EBF2: variants seen among roughly 807,000 people sequenced by gnomAD.
EBF2 encodes EBF transcription factor 2.
Under a neutral mutation model 72.8 loss-of-function variants are expected in EBF2, and 21 were observed. The ratio of observed to expected loss-of-function variants is 0.29; its 90% CI spans 0.20 to 0.42. EBF2 has a LOEUF of 0.42. Ranked by LOEUF, EBF2 falls within the 10% of genes least tolerant of loss-of-function variation. The pLI, the probability that EBF2 is intolerant of heterozygous loss-of-function variation, is 1.00. For synonymous variants in EBF2, 299 were observed against 274.2 expected (o/e 1.09, Z -0.89); for missense variants, 637 against 731.2 (o/e 0.87, Z 1.49).
chr8:26,020,103 T>C (rs1231421528), intron 6 of EBF2, among the ~76,000 whole-genome samples: 1 of 152,198 alleles, frequency 6.6e-6, no homozygotes, highest in East Asian at 1.9e-4. Flanking sequence ...TACTCAGGCT[T>C]TCCTCACTGT....
At chr8:25,999,868 C>T (rs1398650749) in intron 6 of EBF2, among the ~76,000 whole-genome samples, 2 of 152,020 alleles carry the variant, frequency 1.3e-5, no homozygotes, top group Non-Finnish European at 2.9e-5. Flanking sequence ...TAGTACCAGC[C>T]GTGTGGCTCA....
intron 6 of EBF2, among the ~76,000 whole-genome samples, chr8:25,965,018 A>T (rs1804092490): frequency 6.6e-6 from 1 of 152,232 alleles, no homozygotes; most frequent in African/African-American, 2.4e-5. Flanking sequence ...GAGCATCAGC[A>T]CATTAATTTA....
At chr8:25,926,104 T>G (rs1803381483) in intron 6 of EBF2, among the ~76,000 whole-genome samples, 1 of 152,166 alleles carries the variant, frequency 6.6e-6, no homozygotes, top group Non-Finnish European at 1.5e-5. Context: ...TTAAGGGAAC[T>G]AGAGAACTAT....
chr8:26,002,010 A>T (rs1563204365), intron 6 of EBF2, among the ~76,000 whole-genome samples: 1 of 152,174 alleles, frequency 6.6e-6, no homozygotes, highest in Non-Finnish European at 1.5e-5. Context: ...TGTGATGAAA[A>T]CTAAGAGAGC....
At chr8:25,908,174 G>C (rs1417463025) in intron 7 of EBF2, among the ~76,000 whole-genome samples, 1 of 152,198 alleles carries the variant, frequency 6.6e-6, no homozygotes, top group Non-Finnish European at 1.5e-5. Flanking sequence ...TCAAGAACAT[G>C]GTTCCTGCTG....
rs1357532869 is a variant in EBF2, at chr8:25,842,176, G to C, written c.*2433C>G. 6.6e-6 allele frequency: 1 copy of C among 152,164 alleles called. No individual in the cohort carries two copies. The highest frequency in any genetic ancestry group is 2.4e-5 in the African/African-American group (1 of 41,442). 9.4% of individuals were successfully genotyped at this position (152,164 alleles called of 1,614,324 possible). Reference sequence around the variant, plus strand: ...ATTCCAAGTGGCACAAAAATAACTTGGGACTGGAATGATTGAATAGCAATG... The same window carrying C: ...ATTCCAAGTGGCACAAAAATAACTTCGGACTGGAATGATTGAATAGCAATG... On this transcript the variant is annotated 3_prime_UTR_variant, in exon 16 of 16. Transcript: ENST00000520164.
chr8:26,038,021 C>G (rs1373471613), intron 5 of EBF2, among the ~76,000 whole-genome samples: 1 of 152,212 alleles, frequency 6.6e-6, no homozygotes, highest in Admixed American at 6.5e-5. Context: ...TGATTCATCT[C>G]TCAATCATTG....
chr8:25,931,740 G>A (rs1372262160), intron 6 of EBF2, among the ~76,000 whole-genome samples: 1 of 152,122 alleles, frequency 6.6e-6, no homozygotes, highest in African/African-American at 2.4e-5. Context: ...TTGCTTGGGG[G>A]AAATGTAGAT....
chr8:25,975,342 G>A (rs1334825666), intron 6 of EBF2, among the ~76,000 whole-genome samples: 1 of 152,192 alleles, frequency 6.6e-6, no homozygotes, highest in Non-Finnish European at 1.5e-5. Context: ...AGAATCAACT[G>A]TCTCAGTAAA....
chr8:26,044,871 G>T lies in EBF2; in HGVS notation c.-12C>A. ...TGAATTCCAAACATTTAAAAAGTCT[G>T]ATCCTCTACTGTCGCTTTAAAAGTA... On this transcript the variant is annotated 5_prime_UTR_variant, in exon 1 of 16. Coordinates refer to ENST00000520164, the MANE Select transcript of EBF2 (RefSeq NM_022659.4). The surrounding 1 kb of genome is among the most constrained non-coding windows in gnomAD (Gnocchi z 4.1). 1.9e-6 allele frequency: 3 copies of T among 1,613,640 alleles called. No homozygotes were observed. The highest frequency in any genetic ancestry group is 2.2e-5 in the East Asian group (1 of 44,854).
intron 6 of EBF2, among the ~76,000 whole-genome samples, chr8:25,988,400 G>A (rs930617648): frequency 4.6e-5 from 7 of 152,174 alleles, no homozygotes; most frequent in Non-Finnish European, 8.8e-5. Flanking sequence ...AGTTTTATAA[G>A]TCCATATACG....
chr8:26,031,658 A>T (rs1000388066), intron 6 of EBF2: 1 of 151,648 alleles, frequency 6.6e-6, no homozygotes, highest in Admixed American at 6.6e-5. Flanking sequence ...CTGGTCGCAA[A>T]CCCCCGACCT....
At chr8:26,005,327 AAT>A (rs1804836141) in intron 6 of EBF2, among the ~76,000 whole-genome samples, 1 of 136 alleles carries the variant, frequency 7.4e-3, no homozygotes, top group Non-Finnish European at 0.012. Flanking sequence ...TATTATATAT[AAT>A]TATATATTAT....
chr8:25,969,727 G>A (rs758373288), intron 6 of EBF2, among the ~76,000 whole-genome samples: 4 of 152,204 alleles, frequency 2.6e-5, no homozygotes, highest in Non-Finnish European at 5.9e-5. Flanking sequence ...ATGGATCCAG[G>A]CACCAGTTTC....
chr8:25,891,211 T>G (rs1802773246), intron 7 of EBF2, among the ~76,000 whole-genome samples: 1 of 151,246 alleles, frequency 6.6e-6, no homozygotes, highest in South Asian at 2.1e-4. Context: ...AGATCAGGGG[T>G]GGGGGAGAAG....
At chr8:26,018,173 C>T (rs1255466770) in intron 6 of EBF2, among the ~76,000 whole-genome samples, 1 of 150,826 alleles carries the variant, frequency 6.6e-6, no homozygotes, top group East Asian at 2.0e-4. Context: ...AGCCACAGAA[C>T]AGCCAAGGCT....
chr8:25,885,590 G>A (rs1220460756), intron 10 of EBF2, among the ~76,000 whole-genome samples: 3 of 152,098 alleles, frequency 2.0e-5, no homozygotes, highest in Non-Finnish European at 2.9e-5. Context: ...CATGTGTTGT[G>A]GGAGGGACCT....
At position 26,023,561 on chromosome 8, in the gene EBF2, G is replaced by A. The variant is rs375117660; in HGVS notation, c.551+9524C>T. On this transcript the variant is annotated intron_variant, in intron 6 of 15. Transcript: ENST00000520164. ...TGCTAGTCATGGTGAGTTGGTTTTCGTCTTTCTCCCTCTTTTCTAAAGAAT... is the reference window on the plus strand; with the variant it reads ...TGCTAGTCATGGTGAGTTGGTTTTCATCTTTCTCCCTCTTTTCTAAAGAAT... 3.9e-5 allele frequency among the ~76,000 whole-genome samples: 6 copies of A among 152,136 alleles called. No homozygotes were observed. In the East Asian group the frequency reaches 9.6e-4, roughly 24 times the overall value.
intron 6 of EBF2, among the ~76,000 whole-genome samples, chr8:25,983,657 A>C (rs1213728399): frequency 6.6e-6 from 1 of 152,180 alleles, no homozygotes; most frequent in Non-Finnish European, 1.5e-5. Flanking sequence ...CATTCACCCC[A>C]GCCGGCCCCA....
Sources: gnomAD v4.1 joint callset for allele counts (sites outside exome capture counted in the v4.1 genomes callset) on GRCh38, gnomAD v4.1.1 for gene constraint, Gnocchi (gnomAD v3.1) non-coding constraint, MANE v1.5 for transcripts, NCBI Gene and HGNC (gene_info 2026-07-23, HGNC 2026-07-21) for gene names.